Variants in MAN2A1 observed in about 807,000 individuals in gnomAD.
The protein encoded by MAN2A1 is alpha-mannosidase 2.
Under a neutral mutation model 142.6 loss-of-function variants are expected in MAN2A1, and 76 were observed. The observed-to-expected ratio is 0.53, with a 90% CI of 0.44 to 0.65. The LOEUF is 0.65. Among genes scored for constraint, MAN2A1 ranks in the 30% least tolerant of loss-of-function variants. The pLI is 0.00. For missense variants in MAN2A1, 1,311 were observed against 1,365.1 expected, an observed-to-expected ratio of 0.96 and a Z score of 0.62; for synonymous variants, 559 against 473.2, an observed-to-expected ratio of 1.18 and a Z score of -2.35.
At chr5:109,779,174 A>G (rs1431979663) in intron 8 of MAN2A1, among the ~76,000 whole-genome samples, 1 of 152,152 alleles carries the variant, frequency 6.6e-6, no homozygotes, top group African/African-American at 2.4e-5. Flanking sequence ...TTCTACCCTT[A>G]AAGATTGAAT....
intron 16 of MAN2A1, chr5:109,840,795 G>T: frequency 3.8e-6 from 1 of 264,970 alleles, no homozygotes; most frequent in East Asian, 1.3e-4. Flanking sequence ...CTGGGAACCT[G>T]TGTGGTGCGC....
chr5:109,697,652 A>G (rs1310061723), intron 1 of MAN2A1, among the ~76,000 whole-genome samples: 1 of 152,360 alleles, frequency 6.6e-6, no homozygotes, highest in African/African-American at 2.4e-5. Flanking sequence ...CAACAGTGGC[A>G]TAGTTTAGTA....
chr5:109,825,593 A>C (rs1278674026), intron 16 of MAN2A1, among the ~76,000 whole-genome samples: 1 of 152,158 alleles, frequency 6.6e-6, no homozygotes, highest in Non-Finnish European at 1.5e-5. Flanking sequence ...TTCTGCTGCT[A>C]GTGGCTGTAG....
chr5:109,690,414 G>A lies in MAN2A1; in HGVS notation c.-4G>A, dbSNP rs1561461003. 6.2e-7 allele frequency: 1 copy of A among 1,614,088 alleles called. No individual in the cohort carries two copies. The highest frequency in any genetic ancestry group is 1.1e-5 in the South Asian group (1 of 91,088). ...GTGTCCTGGCCCCGAGTCTATCGAG[G>A]AAAATGAAGTTAAGCCGCCAGTTCA... On this transcript the variant is annotated 5_prime_UTR_variant, in exon 1 of 22. Transcript: ENST00000261483.
rs1755940037 is a variant in MAN2A1 at position 109,868,712 on chromosome 5, CAT to C, written c.*1715_*1716del. On this transcript the variant is annotated 3_prime_UTR_variant, in exon 22 of 22. Transcript: ENST00000261483. ...ACAAGGGGTAATTTCATGCAATAAA[CAT>C]GTACCGTAAGTTTTCTTCCACATAT... 6.6e-6 allele frequency: 1 copy of C among 152,052 alleles called. No homozygotes were observed. Among genetic ancestry groups the C allele is most frequent in the Admixed American group, 6.5e-5 (1 of 15,268 alleles). The allele number at this position is 152,052 out of a possible 1,614,324, so 9.4% of individuals were successfully genotyped here.
intron 12 of MAN2A1, among the ~76,000 whole-genome samples, chr5:109,815,715 T>G (rs1754438176): frequency 1.3e-5 from 2 of 152,218 alleles, no homozygotes; most frequent in Non-Finnish European, 1.5e-5. Context: ...ATTTTATTTC[T>G]TAATGAACAC....
At chr5:109,722,892 A>G (rs970913246) in intron 3 of MAN2A1, among the ~76,000 whole-genome samples, 1 of 152,116 alleles carries the variant, frequency 6.6e-6, no homozygotes, top group Non-Finnish European at 1.5e-5. Context: ...TCAAATAACC[A>G]AGCTCTGTTT....
chr5:109,807,503 G>A (rs1754197885), intron 12 of MAN2A1, among the ~76,000 whole-genome samples: 1 of 152,126 alleles, frequency 6.6e-6, no homozygotes, highest in Admixed American at 6.5e-5. Flanking sequence ...TCTGAGGGGA[G>A]AATCATTTCT....
intron 20 of MAN2A1, among the ~76,000 whole-genome samples, chr5:109,858,840 TC>T (rs1396278383): frequency 6.6e-6 from 1 of 152,200 alleles, no homozygotes; most frequent in Non-Finnish European, 1.5e-5. Context: ...TTTTCTTGAC[TC>T]CTGGGATAAG....
chr5:109,849,643 A>G (rs896914843), intron 19 of MAN2A1, among the ~76,000 whole-genome samples: 2 of 151,986 alleles, frequency 1.3e-5, no homozygotes, highest in African/African-American at 4.8e-5. Context: ...TCTAGCCTAT[A>G]CACATCCACC....
intron 19 of MAN2A1, among the ~76,000 whole-genome samples, chr5:109,848,788 G>A (rs1489600699): frequency 6.6e-6 from 1 of 152,120 alleles, no homozygotes; most frequent in African/African-American, 2.4e-5. Flanking sequence ...ATTAAAAGTA[G>A]AAATGGAATA....
At chr5:109,779,271 C>G (rs1020268505) in intron 8 of MAN2A1, among the ~76,000 whole-genome samples, 3 of 152,048 alleles carry the variant, frequency 2.0e-5, no homozygotes, top group Non-Finnish European at 4.4e-5. Flanking sequence ...TTGGCTCATA[C>G]CAAAAACTAA....
chr5:109,704,983 C>T lies in MAN2A1; in HGVS notation c.136-8537C>T, dbSNP rs575743610. On this transcript the variant is annotated intron_variant, in intron 1 of 21. Transcript: ENST00000261483. Reference sequence around the variant, plus strand: ...CTCTTGAGTTCCAGACTTGCATGTTCACTGACACCACCATTCAGCTATCTA... The same window carrying T: ...CTCTTGAGTTCCAGACTTGCATGTTTACTGACACCACCATTCAGCTATCTA... 3.3e-5 allele frequency among the ~76,000 whole-genome samples: 5 copies of T among 152,266 alleles called. No homozygotes were observed. In the South Asian group the frequency reaches 8.3e-4, roughly 25 times the overall value.
intron 3 of MAN2A1, among the ~76,000 whole-genome samples, chr5:109,722,646 C>T (rs1320722616): frequency 1.3e-5 from 2 of 152,210 alleles, no homozygotes; most frequent in South Asian, 2.1e-4. Context: ...GAACTCCTGA[C>T]CTCAAGTGAT....
In MAN2A1 at chr5:109,868,551, C is replaced by T. The variant is rs1380317506; in HGVS notation, c.*1553C>T. The T allele has an allele frequency of 6.6e-6, 1 of 152,144 alleles. No individual in the cohort carries two copies. The highest frequency in any genetic ancestry group is 1.5e-5 in the Non-Finnish European group (1 of 68,006). The allele number at this position is 152,144 out of a possible 1,614,324, so 9.4% of individuals were successfully genotyped here. On this transcript the variant is annotated 3_prime_UTR_variant, in exon 22 of 22. Transcript: ENST00000261483. ...TTATAGAGAAATAAAAACCCAATTT[C>T]TCTTTCACCATTTAGTTTGATTATC... is the stretch of plus-strand genomic sequence containing the variant.
At chr5:109,690,978 A>G (rs1750655004) in intron 1 of MAN2A1, among the ~76,000 whole-genome samples, 1 of 152,124 alleles carries the variant, frequency 6.6e-6, no homozygotes, top group African/African-American at 2.4e-5. Flanking sequence ...GAGCGCACGG[A>G]GTCGCGGAAA....
At position 109,692,444 on chromosome 5, in the gene MAN2A1, G is replaced by A. The variant is rs531165438; in HGVS notation, c.135+1892G>A. ...TGGACGGCCACTGAATCCTCAAGCA[G>A]ATAGACATTCTAAGACCCCTCTGTA... On this transcript the variant is annotated intron_variant, in intron 1 of 21. Transcript: ENST00000261483. Among the ~76,000 whole-genome samples, 83 of 152,274 alleles carry A rather than the reference G, an allele frequency of 5.5e-4. 1 individual carries two copies. The highest frequency in any genetic ancestry group is 1.9e-3 in the African/African-American group (81 of 41,562).
At chr5:109,832,667 C>T (rs566291996) in intron 16 of MAN2A1, among the ~76,000 whole-genome samples, 111 of 152,318 alleles carry the variant, frequency 7.3e-4, no homozygotes, top group African/African-American at 2.6e-3. Context: ...CATCATGGCC[C>T]GTTCTCAATG....
chr5:109,762,229 T>C (rs1025674897), intron 5 of MAN2A1, among the ~76,000 whole-genome samples: 1 of 152,178 alleles, frequency 6.6e-6, no homozygotes, highest in Admixed American at 6.5e-5. Context: ...ATCTTCTTTA[T>C]AGTTTTCTGT....
Sources: allele counts gnomAD v4.1 joint callset (sites outside exome capture counted in the v4.1 genomes callset), GRCh38; gene constraint gnomAD v4.1.1; transcripts MANE v1.5; gene names NCBI Gene and HGNC (gene_info 2026-07-23, HGNC 2026-07-21).